Variants in CD72 observed in about 807,000 individuals in gnomAD.
CD72 encodes the protein CD72 molecule, also known as B-cell differentiation antigen CD72.
A neutral mutation model predicts 50.7 loss-of-function variants in CD72; 28 were observed. That is an observed-to-expected ratio of 0.55 (90% CI 0.41 to 0.76). The LOEUF is 0.76. Among genes scored for constraint, CD72 ranks in the 30% least tolerant of loss-of-function variants. The pLI is 0.00. For missense variants in CD72, 403 were observed against 420.6 expected (o/e 0.96, Z 0.37); for synonymous variants, 176 against 171.2 (o/e 1.03, Z -0.22).
chr9:35,644,087 CTGTAATCCCAACACT>C (rs1823364450), intron 1 of CD72, among the ~76,000 whole-genome samples: 1 of 151,642 alleles, frequency 6.6e-6, no homozygotes, highest in Non-Finnish European at 1.5e-5. Flanking sequence ...TGGCTCATGC[CTGTAATCCCAACACT>C]TTGGGAGGCC....
intron 1 of CD72, among the ~76,000 whole-genome samples, chr9:35,627,885 G>GA (rs1291214878): frequency 6.6e-6 from 1 of 151,782 alleles, no homozygotes; most frequent in Non-Finnish European, 1.5e-5. Flanking sequence ...ACCCAGGCTG[G>GA]AGTACAGTGG....
At chr9:35,632,533 T>C (rs371587207) in intron 1 of CD72, among the ~76,000 whole-genome samples, 369 of 151,916 alleles carry the variant, frequency 2.4e-3, no homozygotes, top group African/African-American at 4.7e-3. Context: ...AATCTTTCTC[T>C]CTTTTTCCCC....
chr9:35,636,582 G>A (rs1823291609), intron 1 of CD72, among the ~76,000 whole-genome samples: 1 of 152,204 alleles, frequency 6.6e-6, no homozygotes, highest in African/African-American at 2.4e-5. Flanking sequence ...TTGAGAGACT[G>A]CAGAGCAGGG....
upstream of CD72, among the ~76,000 whole-genome samples, chr9:35,620,772 G>A (rs745900692): frequency 1.8e-4 from 27 of 152,072 alleles, no homozygotes; most frequent in Non-Finnish European, 3.1e-4. Context: ...GCAGTGAGCC[G>A]AGATTGTGCC....
intron 1 of CD72, among the ~76,000 whole-genome samples, chr9:35,629,276 G>A (rs1823222320): frequency 6.6e-6 from 1 of 152,082 alleles, no homozygotes; most frequent in South Asian, 2.1e-4. Flanking sequence ...TTCAACTGAG[G>A]TTAGAATCCT....
At chr9:35,646,537 G>C (rs1717883139) in exon 1 of CD72, 1 of 152,366 alleles carries the variant, frequency 6.6e-6, no homozygotes. Context: ...CCCAGTCCTT[G>C]TGTTCAGGGC....
At chr9:35,637,435 C>G (rs1490500607) in intron 1 of CD72, among the ~76,000 whole-genome samples, 1 of 152,174 alleles carries the variant, frequency 6.6e-6, no homozygotes, top group Non-Finnish European at 1.5e-5. Flanking sequence ...CCTACAACCT[C>G]GGGTCCTCAG....
chr9:35,634,923 C>G (rs1244703293), intron 1 of CD72, among the ~76,000 whole-genome samples: 1 of 152,140 alleles, frequency 6.6e-6, no homozygotes, highest in Non-Finnish European at 1.5e-5. Flanking sequence ...CTTCTCTTCC[C>G]CTGTCTTGAA....
intron 1 of CD72, among the ~76,000 whole-genome samples, chr9:35,635,961 T>C (rs1823286771): frequency 6.6e-6 from 1 of 152,088 alleles, no homozygotes; most frequent in Admixed American, 6.6e-5. Flanking sequence ...AAATAAAAAG[T>C]CACCAAAACA....
intron 1 of CD72, among the ~76,000 whole-genome samples, chr9:35,627,652 G>A (rs1823208277): frequency 6.6e-6 from 1 of 152,098 alleles, no homozygotes; most frequent in Non-Finnish European, 1.5e-5. Context: ...ATGAAGGTCT[G>A]GCTCACCCAC....
chr9:35,637,718 C>A (rs1388517589), intron 1 of CD72, among the ~76,000 whole-genome samples: 1 of 152,110 alleles, frequency 6.6e-6, no homozygotes, highest in Non-Finnish European at 1.5e-5. Context: ...TGATTATTCA[C>A]CCACATTTCA....
chr9:35,616,763 G>A, intron 3 of CD72, 74 bp from the exon 4 acceptor site: 6 of 1,301,676 alleles, frequency 4.6e-6, no homozygotes, highest in South Asian at 1.2e-5. Flanking sequence ...ACAGGTCCGT[G>A]GGGGAGACCC....
At chr9:35,632,360 CG>C (rs1334124550) in intron 1 of CD72, among the ~76,000 whole-genome samples, 1 of 151,546 alleles carries the variant, frequency 6.6e-6, no homozygotes, top group Non-Finnish European at 1.5e-5. Context: ...TTAGTAGAGA[CG>C]GGGTTTCACC....
At chr9:35,613,729 A>C (rs1823025048) in intron 5 of CD72, among the ~76,000 whole-genome samples, 1 of 152,168 alleles carries the variant, frequency 6.6e-6, no homozygotes, top group Non-Finnish European at 1.5e-5. Flanking sequence ...CCTGCTGGGC[A>C]CAATGGCTCA....
At chr9:35,631,337 A>C (rs1382827781) in intron 1 of CD72, among the ~76,000 whole-genome samples, 1 of 152,170 alleles carries the variant, frequency 6.6e-6, no homozygotes, top group Non-Finnish European at 1.5e-5. Context: ...GAATTTGGTA[A>C]AACTTCCAAG....
chr9:35,618,855 C>T, upstream of CD72: 1 of 954,092 alleles, frequency 1.0e-6, no homozygotes, highest in Non-Finnish European at 1.4e-6. Flanking sequence ...ACTGGGGGTT[C>T]AGGAACAGGC....
At position 35,610,254 on chromosome 9, in the gene CD72, G is replaced by C. The variant is rs1822953553; in HGVS notation, c.*69C>G. The C allele has an allele frequency of 4.8e-6, 1 of 208,948 alleles. No individual in the cohort carries two copies. Among genetic ancestry groups the C allele is most frequent in the Non-Finnish European group, 9.5e-6 (1 of 105,148 alleles). 12.9% of individuals were successfully genotyped at this position (208,948 alleles called of 1,614,324 possible). On this transcript the variant is annotated 3_prime_UTR_variant, in exon 9 of 9. Transcript: ENST00000259633. ...AAGGAGATGGTCTGAGGAACCCCAG[G>C]CCTCAGGTTAGGAAGGAGGGGCACA... is the stretch of plus-strand genomic sequence containing the variant.
upstream of CD72, among the ~76,000 whole-genome samples, chr9:35,620,361 T>C (rs990690467): frequency 1.3e-5 from 2 of 151,590 alleles, no homozygotes; most frequent in African/African-American, 2.4e-5. Flanking sequence ...TCCCAGCTAC[T>C]CAGGAGGCTG....
intron 3 of CD72, chr9:35,616,919 AG>A (rs1401370414): frequency 7.5e-7 from 1 of 1,333,548 alleles, no homozygotes; most frequent in Non-Finnish European, 1.0e-6. Context: ...GTTACCTGGG[AG>A]AAGGGGAAGG....
Sources: allele counts gnomAD v4.1 joint callset (sites outside exome capture counted in the v4.1 genomes callset), GRCh38; gene constraint gnomAD v4.1.1; transcripts MANE v1.5; gene names NCBI Gene and HGNC (gene_info 2026-07-23, HGNC 2026-07-21).